Variants in RBMS3 observed in about 807,000 individuals in gnomAD.
The protein encoded by RBMS3 is RNA binding motif single stranded interacting protein 3, also known as RNA-binding motif, single-stranded-interacting protein 3.
A neutral mutation model predicts 66.8 loss-of-function variants in RBMS3; 27 were observed. The ratio of observed to expected loss-of-function variants is 0.40; its 90% CI spans 0.30 to 0.56. The LOEUF (loss-of-function observed/expected upper bound fraction) is 0.56. RBMS3 is among the 20% of genes least tolerant of loss of function. The pLI, the probability that RBMS3 is intolerant of heterozygous loss-of-function variation, is 0.40. For missense variants in RBMS3, 513 were observed against 549.5 expected (o/e 0.93, Z 0.66); for synonymous variants, 188 against 183.0 (o/e 1.03, Z -0.22).
chr3:29,984,267 A>C (rs931505946), intron 12 of RBMS3, among the ~76,000 whole-genome samples: 2 of 151,832 alleles, frequency 1.3e-5, no homozygotes, highest in Non-Finnish European at 2.9e-5. Flanking sequence ...CCATCAGGTC[A>C]TATATGTTCT....
intron 3 of RBMS3, among the ~76,000 whole-genome samples, chr3:29,502,903 C>T (rs189988730): frequency 4.6e-5 from 7 of 152,160 alleles, no homozygotes; most frequent in East Asian, 1.9e-4. Flanking sequence ...CCTATGTGGT[C>T]GTTTCAGAGC....
At chr3:29,473,955 G>A (rs1224642521) in intron 2 of RBMS3, among the ~76,000 whole-genome samples, 1 of 152,250 alleles carries the variant, frequency 6.6e-6, no homozygotes, top group African/African-American at 2.4e-5. Context: ...CTCCCACAGT[G>A]CAGTGGTGGG....
chr3:29,881,468 C>A (rs1451919339), intron 7 of RBMS3, among the ~76,000 whole-genome samples: 1 of 152,114 alleles, frequency 6.6e-6, no homozygotes, highest in Admixed American at 6.6e-5. Context: ...GAAACTCAGG[C>A]TCAAATAGGT....
At chr3:29,553,123 A>G (rs1345299240) in intron 3 of RBMS3, among the ~76,000 whole-genome samples, 1 of 152,196 alleles carries the variant, frequency 6.6e-6, no homozygotes, top group Non-Finnish European at 1.5e-5. Flanking sequence ...ATAAGTTCTT[A>G]GAAAACATGA....
intron 4 of RBMS3, among the ~76,000 whole-genome samples, chr3:29,704,409 A>AT (rs2052779350): frequency 6.6e-6 from 1 of 151,786 alleles, no homozygotes; most frequent in African/African-American, 2.4e-5. Flanking sequence ...ATACAGATGC[A>AT]TTTTGGCCCT....
chr3:29,778,918 C>T (rs956835860), intron 6 of RBMS3, among the ~76,000 whole-genome samples: 1 of 151,824 alleles, frequency 6.6e-6, no homozygotes, highest in Admixed American at 6.6e-5. Context: ...GAGAAAATAT[C>T]AGCAAGAAAT....
intron 12 of RBMS3, among the ~76,000 whole-genome samples, chr3:29,975,066 A>ATATT (rs1170398008): frequency 1.9e-5 from 2 of 105,084 alleles, no homozygotes; most frequent in Admixed American, 1.1e-4. Context: ...ATATGTTTCT[A>ATATT]TATATATTTT....
intron 4 of RBMS3, among the ~76,000 whole-genome samples, chr3:29,661,115 G>A (rs1444122657): frequency 1.3e-5 from 2 of 152,164 alleles, no homozygotes; most frequent in African/African-American, 4.8e-5. Flanking sequence ...CTGCTATTGA[G>A]TATATGCTGG....
chr3:29,361,004 T>C (rs2037550334), intron 1 of RBMS3, among the ~76,000 whole-genome samples: 2 of 151,998 alleles, frequency 1.3e-5, no homozygotes, highest in African/African-American at 4.8e-5. Context: ...TTTATCCAGG[T>C]TGACAGTCTG....
At chr3:29,885,798 T>G (rs2059856001) in intron 8 of RBMS3, among the ~76,000 whole-genome samples, 1 of 151,880 alleles carries the variant, frequency 6.6e-6, no homozygotes, top group African/African-American at 2.4e-5. Context: ...GTATTATGTA[T>G]GTATATACAT....
At chr3:29,628,435 C>T (rs2049149211) in intron 4 of RBMS3, among the ~76,000 whole-genome samples, 2 of 152,050 alleles carry the variant, frequency 1.3e-5, no homozygotes, top group Non-Finnish European at 2.9e-5. Flanking sequence ...GAGTAAACTT[C>T]AGAGGGGCCT....
At chr3:29,754,173 G>A (rs967667802) in intron 5 of RBMS3, among the ~76,000 whole-genome samples, 4 of 151,774 alleles carry the variant, frequency 2.6e-5, no homozygotes, top group East Asian at 1.9e-4. Flanking sequence ...AGGCTGGTCC[G>A]AACTCCTGAC....
chr3:29,673,357 C>T (rs2051088956), intron 4 of RBMS3, among the ~76,000 whole-genome samples: 1 of 151,872 alleles, frequency 6.6e-6, no homozygotes, highest in Non-Finnish European at 1.5e-5. Flanking sequence ...CAAGAGCAAA[C>T]ACATTCAAAA....
In RBMS3 at chr3:30,009,732, C is replaced by T. The variant is rs1219114216; in HGVS notation, c.*5870C>T. 6.6e-6 allele frequency: 1 copy of T among 152,124 alleles called. No homozygotes were observed. The highest frequency in any genetic ancestry group is 1.5e-5 in the Non-Finnish European group (1 of 67,998). The allele number at this position is 152,124 out of a possible 1,614,324, so 9.4% of individuals were successfully genotyped here. A position where few individuals can be genotyped will look rare whatever the true frequency, so the allele number is the denominator to read the frequency against. ...TGCGTTACTTATTAAGGCCGAATGACTTTGACACCCCCGTGGATTATTTTT... is the reference window on the plus strand; with the variant it reads ...TGCGTTACTTATTAAGGCCGAATGATTTTGACACCCCCGTGGATTATTTTT... On this transcript the variant is annotated 3_prime_UTR_variant, in exon 15 of 15. Coordinates refer to ENST00000383767, the MANE Select transcript of RBMS3 (RefSeq NM_001003793.3).
At chr3:29,670,873 C>A (rs1028869739) in intron 4 of RBMS3, among the ~76,000 whole-genome samples, 2 of 152,184 alleles carry the variant, frequency 1.3e-5, no homozygotes, top group African/African-American at 4.8e-5. Context: ...GACTTAAACG[C>A]CCCTGTCTGA....
intron 3 of RBMS3, among the ~76,000 whole-genome samples, chr3:29,565,599 C>T (rs1182776050): frequency 6.6e-6 from 1 of 152,108 alleles, no homozygotes; most frequent in Admixed American, 6.6e-5. Flanking sequence ...GTCCTTGACA[C>T]AAAGTCCTTT....
chr3:29,771,777 A>C lies in RBMS3; in HGVS notation c.637+8788A>C, dbSNP rs114448452. On this transcript the variant is annotated intron_variant, in intron 6 of 14. Transcript: ENST00000383767. ...ACATCAGGGCGGAATGTAAAGGGGA[A>C]GCAGGCATGACCTACATGGCTGGTG... Among the ~76,000 whole-genome samples, 385 of 152,122 alleles carry C rather than the reference A, an allele frequency of 2.5e-3. 1 individual carries two copies. The highest frequency in any genetic ancestry group is 8.8e-3 in the African/African-American group (365 of 41,532).
intron 3 of RBMS3, among the ~76,000 whole-genome samples, chr3:29,510,436 G>A (rs1267919032): frequency 6.6e-6 from 1 of 152,144 alleles, no homozygotes; most frequent in Non-Finnish European, 1.5e-5. Flanking sequence ...TTACTTTATA[G>A]AGGGTTCCCT....
chr3:29,353,883 T>C (rs376811135), intron 1 of RBMS3, among the ~76,000 whole-genome samples: 7 of 152,088 alleles, frequency 4.6e-5, no homozygotes, highest in East Asian at 3.9e-4. Flanking sequence ...TAAGTTATTA[T>C]AGATGTGAGC....
Sources: allele counts gnomAD v4.1 joint callset (sites outside exome capture counted in the v4.1 genomes callset), GRCh38; gene constraint gnomAD v4.1.1; transcripts MANE v1.5; gene names NCBI Gene and HGNC (gene_info 2026-07-23, HGNC 2026-07-21).